Variants in ABCC1 observed in about 807,000 individuals in gnomAD.
ABCC1 encodes ATP binding cassette subfamily C member 1 (ABCC1 blood group), also known as multidrug resistance-associated protein 1.
ABCC1 carries 83 observed loss-of-function variants against 172.9 expected under a neutral mutation model. The ratio of observed to expected loss-of-function variants is 0.48; its 90% CI spans 0.40 to 0.58. The LOEUF is 0.58. Among genes scored for constraint, ABCC1 ranks in the 20% least tolerant of loss-of-function variants. The pLI is 0.00. For synonymous variants in ABCC1, 937 were observed against 825.2 expected, an observed-to-expected ratio of 1.14 and a Z score of -2.32; for missense variants, 1,817 against 2,002.7, an observed-to-expected ratio of 0.91 and a Z score of 1.77.
At chr16:16,081,826 C>T (rs1301752516) in intron 16 of ABCC1, among the ~76,000 whole-genome samples, 2 of 151,726 alleles carry the variant, frequency 1.3e-5, no homozygotes, top group Non-Finnish European at 2.9e-5. Context: ...TTGAGACCAG[C>T]CTGACCAGCA....
At chr16:15,997,936 C>T (rs1426432399) in intron 1 of ABCC1, among the ~76,000 whole-genome samples, 1 of 150,960 alleles carries the variant, frequency 6.6e-6, no homozygotes, top group Non-Finnish European at 1.5e-5. Flanking sequence ...GCCTCAGCTG[C>T]CCGACTAGCT....
rs1170720066 is a variant in ABCC1, at chr16:16,067,347, T to A, written c.1678-809T>A. 3.3e-5 allele frequency among the ~76,000 whole-genome samples: 5 copies of A among 152,316 alleles called. No individual in the cohort carries two copies. The South Asian group carries it at 1.0e-3, about 32-fold the overall frequency. On this transcript the variant is annotated intron_variant, in intron 12 of 30. Transcript: ENST00000399410. ...TCAGAGCCAGAACACGAACCAGCTC[T>A]GGCTTCCCGTGGGACCGGGCTCTCG...
Position 16,141,958 on chromosome 16 carries a change from C to G in ABCC1, c.*677C>G, listed in dbSNP as rs1372786477. The G allele has an allele frequency of 6.6e-6, 1 of 152,292 alleles. No homozygotes were observed. The allele number at this position is 152,292 out of a possible 1,614,324, so 9.4% of individuals were successfully genotyped here. A position where few individuals can be genotyped will look rare whatever the true frequency, so the allele number is the denominator to read the frequency against. On this transcript the variant is annotated 3_prime_UTR_variant, in exon 31 of 31. Coordinates refer to ENST00000399410, the MANE Select transcript of ABCC1 (RefSeq NM_004996.4). ...TTGGGCCAGAGGCAGCCTCTGCACT[C>G]CCACGCCTGTCCTCCTGGAAGGGAC...
chr16:16,031,038 G>T (rs1406350966), intron 5 of ABCC1, among the ~76,000 whole-genome samples: 1 of 151,944 alleles, frequency 6.6e-6, no homozygotes, highest in Non-Finnish European at 1.5e-5. Flanking sequence ...TGGTAGAGAC[G>T]AGGTTTCATC....
chr16:16,082,962 A>C (rs929899077), intron 16 of ABCC1, among the ~76,000 whole-genome samples: 2 of 152,152 alleles, frequency 1.3e-5, no homozygotes, highest in Admixed American at 6.5e-5. Context: ...TAGACTCTTA[A>C]AAAGTGTCAT....
chr16:16,136,376 A>AC, intron 28 of ABCC1, 102 bp from the exon 29 acceptor site: 1 of 1,299,454 alleles, frequency 7.7e-7, no homozygotes, highest in Non-Finnish European at 1.1e-6. Context: ...GAGCTCTGAT[A>AC]CCCCACCTTC....
intron 27 of ABCC1, 65 bp from the exon 28 acceptor site, chr16:16,134,285 C>G (rs569737816): frequency 6.3e-7 from 1 of 1,599,016 alleles, no homozygotes; most frequent in Non-Finnish European, 8.5e-7. Flanking sequence ...GATGAGGGCA[C>G]TTTGGGGCAG....
intron 1 of ABCC1, among the ~76,000 whole-genome samples, chr16:15,964,516 G>T (rs922447705): frequency 7.9e-5 from 12 of 152,064 alleles, no homozygotes; most frequent in Non-Finnish European, 5.9e-5. Context: ...GGATTTAGGT[G>T]GGGACACAGA....
chr16:16,002,496 T>G (rs933055491), intron 1 of ABCC1, among the ~76,000 whole-genome samples: 6 of 152,170 alleles, frequency 3.9e-5, no homozygotes, highest in African/African-American at 1.4e-4. Context: ...CCAAAGGCTG[T>G]GTGCGGTGGT....
chr16:15,960,681 A>G (rs1365487981), intron 1 of ABCC1, among the ~76,000 whole-genome samples: 3 of 152,180 alleles, frequency 2.0e-5, no homozygotes, highest in African/African-American at 7.2e-5. Flanking sequence ...GTTTGACCCC[A>G]GAGCTCAGTG....
intron 12 of ABCC1, among the ~76,000 whole-genome samples, chr16:16,067,869 T>A (rs2050171384): frequency 6.6e-6 from 1 of 152,042 alleles, no homozygotes. Context: ...GCTTGGTGCT[T>A]TTGAGGAATA....
At chr16:16,048,843 C>T (rs1238538523) in intron 10 of ABCC1, among the ~76,000 whole-genome samples, 9 of 152,162 alleles carry the variant, frequency 5.9e-5, no homozygotes, top group South Asian at 2.1e-4. Context: ...ATGAGCTGGG[C>T]GTGGTGGTGT....
At chr16:15,992,368 C>T (rs546639681) in intron 1 of ABCC1, among the ~76,000 whole-genome samples, 25 of 152,146 alleles carry the variant, frequency 1.6e-4, no homozygotes, top group East Asian at 7.7e-4. Flanking sequence ...TCGTCTTCCA[C>T]AAAACCTATC....
intron 4 of ABCC1, among the ~76,000 whole-genome samples, chr16:16,015,389 C>T (rs1199201139): frequency 1.3e-5 from 2 of 152,152 alleles, no homozygotes; most frequent in African/African-American, 4.8e-5. Flanking sequence ...CCACCCGCCT[C>T]GGCCTCCCAA....
In ABCC1 at chr16:15,955,438, C is replaced by T. The variant is rs145947833; in HGVS notation, c.48+5639C>T. Among the ~76,000 whole-genome samples, 68 of 152,234 alleles carry T rather than the reference C, an allele frequency of 4.5e-4. No individual in the cohort carries two copies. In the East Asian group the frequency reaches 0.012, roughly 28 times the overall value. On this transcript the variant is annotated intron_variant, in intron 1 of 30. Coordinates refer to ENST00000399410, the MANE Select transcript of ABCC1 (RefSeq NM_004996.4). ...ACAGTCTAGTCTTGGCCCAGCTGTC[C>T]CTCTTCTACTAAAACCCTGCAGTAG...
At chr16:15,952,380 A>G (rs1406062667) in intron 1 of ABCC1, among the ~76,000 whole-genome samples, 1 of 152,092 alleles carries the variant, frequency 6.6e-6, no homozygotes, top group Non-Finnish European at 1.5e-5. Context: ...GACCAAGGTC[A>G]TGTGCTTAGA....
intron 23 of ABCC1, among the ~76,000 whole-genome samples, chr16:16,119,095 T>C (rs979597124): frequency 2.0e-5 from 3 of 152,144 alleles, no homozygotes; most frequent in Admixed American, 6.5e-5. Context: ...AGAGATGTTA[T>C]AGTGATCAAA....
At position 16,105,805 on chromosome 16, in the gene ABCC1, CTG is replaced by C. The variant is rs770115711; in HGVS notation, c.2736-930_2736-929del. ...GCGATGTCAGCCACTGAACGGAAAA[CTG>C]TGGGCGACGCAATCTGTGATCATCT... On this transcript the variant is annotated intron_variant, in intron 20 of 30. Transcript: ENST00000399410. Among the ~76,000 whole-genome samples, 22 of 146,744 alleles carry C rather than the reference CTG, an allele frequency of 1.5e-4. 1 individual carries two copies. The highest frequency in any genetic ancestry group is 2.0e-4 in the East Asian group (1 of 4,970).
At chr16:15,958,379 G>C (rs1172054642) in intron 1 of ABCC1, among the ~76,000 whole-genome samples, 1 of 152,112 alleles carries the variant, frequency 6.6e-6, no homozygotes, top group Non-Finnish European at 1.5e-5. Flanking sequence ...CAAAGTGCTG[G>C]GATTACAGGC....
Sources: allele counts gnomAD v4.1 joint callset (sites outside exome capture counted in the v4.1 genomes callset), GRCh38; gene constraint gnomAD v4.1.1; transcripts MANE v1.5; gene names NCBI Gene and HGNC (gene_info 2026-07-23, HGNC 2026-07-21).